The following IL1RAPL2 variants were observed in gnomAD, a reference collection of about 807,000 sequenced individuals.
IL1RAPL2 encodes the protein X-linked interleukin-1 receptor accessory protein-like 2.
Under a neutral mutation model 44.1 loss-of-function variants are expected in IL1RAPL2, and 3 were observed. The observed-to-expected ratio is 0.07, with a 90% CI of 0.03 to 0.18. The LOEUF (loss-of-function observed/expected upper bound fraction) is 0.18, where lower values mean the gene tolerates loss of function less well. IL1RAPL2 is among the 10% of genes least tolerant of loss of function. IL1RAPL2 has a pLI of 1.00. For synonymous variants in IL1RAPL2, 181 were observed against 178.8 expected (o/e 1.01, Z -0.10); for missense variants, 391 against 496.4 (o/e 0.79, Z 2.02).
At chrX:105,718,604 C>A (rs927716271) in intron 7 of IL1RAPL2, among the ~76,000 whole-genome samples, 1 of 111,182 alleles carries the variant, frequency 9.0e-6, no homozygotes, top group African/African-American at 3.3e-5. Flanking sequence ...CTAGGATGCA[C>A]TAGGATGGCT....
intron 2 of IL1RAPL2, among the ~76,000 whole-genome samples, chrX:105,029,019 C>T (rs1483751300): frequency 1.8e-5 from 2 of 109,178 alleles, no homozygotes; most frequent in African/African-American, 6.6e-5. Flanking sequence ...TGTTCAAGAT[C>T]TGTTTGCAGT....
At chrX:104,589,942 T>C (rs1381780585) in intron 1 of IL1RAPL2, among the ~76,000 whole-genome samples, 1 of 112,295 alleles carries the variant, frequency 8.9e-6, no homozygotes, top group Non-Finnish European at 1.9e-5. Flanking sequence ...GAGGCTTTAG[T>C]TGAAACAAAT....
In IL1RAPL2 at chrX:104,930,761, A is replaced by T. The variant is rs764170385; in HGVS notation, c.83-264714A>T. On this transcript the variant is annotated intron_variant, in intron 2 of 10. Transcript: ENST00000372582. The stretch of plus-strand genomic sequence containing the variant: ...AGCCAGTCACTTATGATGAGCTAGT[A>T]TAGTTAGCCATATTGCATTCATTAA... Among the ~76,000 whole-genome samples, 5 of 111,993 alleles carry T rather than the reference A, an allele frequency of 4.5e-5. No homozygotes were observed. The East Asian group carries it at 1.4e-3, about 31-fold the overall frequency.
intron 5 of IL1RAPL2, among the ~76,000 whole-genome samples, chrX:105,469,278 A>C (rs2036150624): frequency 9.0e-6 from 1 of 110,903 alleles, no homozygotes; most frequent in Admixed American, 9.7e-5. Flanking sequence ...CAATTGAGGA[A>C]ACTAAGTGTT....
chrX:105,039,349 A>G (rs1285227958), intron 2 of IL1RAPL2, among the ~76,000 whole-genome samples: 1 of 112,067 alleles, frequency 8.9e-6, no homozygotes, highest in Non-Finnish European at 1.9e-5. Context: ...CAGCTCTGTG[A>G]GATGAAACAA....
intron 5 of IL1RAPL2, among the ~76,000 whole-genome samples, chrX:105,363,308 A>AATAT (rs1219827978): frequency 5.3e-4 from 36 of 68,551 alleles, no homozygotes; most frequent in East Asian, 1.4e-3. Flanking sequence ...ATATATATAT[A>AATAT]ATATATATAT....
chrX:104,944,907 T>C (rs7062507), intron 2 of IL1RAPL2, among the ~76,000 whole-genome samples: 6,102 of 111,559 alleles, frequency 0.055, 440 homozygotes, highest in African/African-American at 0.19. Context: ...TTTGTGGCTT[T>C]AGGGAAGTCA....
intron 6 of IL1RAPL2, among the ~76,000 whole-genome samples, chrX:105,693,094 G>GT (rs1172400722): frequency 9.0e-6 from 1 of 111,406 alleles, no homozygotes; most frequent in East Asian, 2.8e-4. Context: ...CCTTAAAAGG[G>GT]TAGCGTATTC....
At chrX:105,764,417 A>G (rs1284811591) in intron 10 of IL1RAPL2, among the ~76,000 whole-genome samples, 1 of 112,058 alleles carries the variant, frequency 8.9e-6, no homozygotes, top group Admixed American at 9.5e-5. Context: ...AGCCCATGAC[A>G]TCCCAGTCAA....
At chrX:104,926,419 T>G (rs1924773783) in intron 2 of IL1RAPL2, among the ~76,000 whole-genome samples, 1 of 111,707 alleles carries the variant, frequency 9.0e-6, no homozygotes, top group African/African-American at 3.2e-5. Context: ...CAAAAATCCT[T>G]TCTTGTCATT....
At chrX:105,149,835 AAAATAAATAAAT>A (rs765874056) in intron 2 of IL1RAPL2, among the ~76,000 whole-genome samples, 3 of 109,472 alleles carry the variant, frequency 2.7e-5, no homozygotes, top group Non-Finnish European at 3.8e-5. Flanking sequence ...CTCCATCTCA[AAAATAAATAAAT>A]AAATAAATAA....
In IL1RAPL2 at chrX:104,755,735, A is replaced by G. The variant is rs192060798; in HGVS notation, c.82+96740A>G. 1.3e-3 allele frequency among the ~76,000 whole-genome samples: 143 copies of G among 110,543 alleles called. 1 individual carries two copies. The highest frequency in any genetic ancestry group is 4.5e-3 in the African/African-American group (136 of 30,471). On this transcript the variant is annotated intron_variant, in intron 2 of 10. Coordinates refer to ENST00000372582, the MANE Select transcript of IL1RAPL2 (RefSeq NM_017416.2). The stretch of plus-strand genomic sequence containing the variant: ...TCTGAAAAATAATATTGGTCCCCCT[A>G]AGTCCCCCCAAAACTGCCCCAGTAG...
chrX:104,939,253 C>T (rs935838897), intron 2 of IL1RAPL2, among the ~76,000 whole-genome samples: 7 of 110,392 alleles, frequency 6.3e-5, no homozygotes, highest in African/African-American at 9.9e-5. Context: ...GACGGGGTTT[C>T]GCCATGTTGG....
chrX:104,755,505 T>A (rs1932327503), intron 2 of IL1RAPL2, among the ~76,000 whole-genome samples: 1 of 110,351 alleles, frequency 9.1e-6, no homozygotes, highest in African/African-American at 3.3e-5. Flanking sequence ...CATGCACATG[T>A]ACCCCTGAAC....
Position 104,774,226 on chromosome X carries a change from C to T in IL1RAPL2, c.82+115231C>T, listed in dbSNP as rs184122743. On this transcript the variant is annotated intron_variant, in intron 2 of 10. Coordinates refer to ENST00000372582, the MANE Select transcript of IL1RAPL2 (RefSeq NM_017416.2). ...ATACAAGGAACACTTTCCAGGGTAA[C>T]GGGAACATATCCAAGAGACATCTAA... 1.8e-4 allele frequency among the ~76,000 whole-genome samples: 20 copies of T among 111,708 alleles called. 1 individual carries two copies. Among genetic ancestry groups the T allele is most frequent in the Admixed American group, 2.9e-4 (3 of 10,509 alleles).
At chrX:105,081,147 A>G (rs1274538514) in intron 2 of IL1RAPL2, among the ~76,000 whole-genome samples, 1 of 111,366 alleles carries the variant, frequency 9.0e-6, no homozygotes, top group African/African-American at 3.3e-5. Context: ...TAATTACACA[A>G]TCATGTCATC....
At chrX:105,515,101 A>G (rs1398334705) in intron 6 of IL1RAPL2, among the ~76,000 whole-genome samples, 1 of 111,846 alleles carries the variant, frequency 8.9e-6, no homozygotes, top group Non-Finnish European at 1.9e-5. Flanking sequence ...AGGGACATCC[A>G]TGAGTTTGTA....
chrX:104,655,286 C>T (rs1187126157), intron 1 of IL1RAPL2, among the ~76,000 whole-genome samples: 2 of 111,532 alleles, frequency 1.8e-5, no homozygotes, highest in Admixed American at 1.9e-4. Flanking sequence ...TTTGCCCATT[C>T]AGTATGATAT....
At chrX:105,666,163 T>TA (rs1044647539) in intron 6 of IL1RAPL2, among the ~76,000 whole-genome samples, 1 of 107,839 alleles carries the variant, frequency 9.3e-6, no homozygotes, top group Non-Finnish European at 1.9e-5. Context: ...CAAAAACTAA[T>TA]AAAAAACCCA....
Sources: allele counts gnomAD v4.1 joint callset (sites outside exome capture counted in the v4.1 genomes callset), GRCh38; gene constraint gnomAD v4.1.1; transcripts MANE v1.5; gene names NCBI Gene and HGNC (gene_info 2026-07-23, HGNC 2026-07-21).